CLN3: variants seen among roughly 807,000 people sequenced by gnomAD.
CLN3 encodes battenin.
A neutral mutation model predicts 60.7 loss-of-function variants in CLN3; 49 were observed. The observed-to-expected ratio is 0.81, with a 90% CI of 0.64 to 1.02. CLN3 has a LOEUF of 1.02. Ranked by LOEUF, CLN3 falls within the 50% of genes least tolerant of loss-of-function variation. The pLI, the probability that CLN3 is intolerant of heterozygous loss-of-function variation, is 0.00. For missense variants in CLN3, 516 were observed against 557.4 expected, an observed-to-expected ratio of 0.93 and a Z score of 0.75; for synonymous variants, 256 against 245.8, an observed-to-expected ratio of 1.04 and a Z score of -0.39.
rs1331264494 is a variant in CLN3, at chr16:28,477,330, T to C, written c.*186A>G. The C allele has an allele frequency of 7.1e-6, 5 of 705,696 alleles. No individual in the cohort carries two copies. The highest frequency in any genetic ancestry group is 3.6e-5 in the African/African-American group (2 of 56,140). 43.7% of individuals were successfully genotyped at this position (705,696 alleles called of 1,614,324 possible). A position where few individuals can be genotyped will look rare whatever the true frequency, so the allele number is the denominator to read the frequency against. ...AGAAGGCATGATGCCAGGAAGAAAC[T>C]CCCCAAGTGGGAGACAATGGCTGGC... On this transcript the variant is annotated 3_prime_UTR_variant, in exon 16 of 16. Coordinates refer to ENST00000636147, the MANE Select transcript of CLN3 (RefSeq NM_001042432.2).
chr16:28,467,276 C>CA, the CLN3 span, among the ~76,000 whole-genome samples: 1 of 99,498 alleles, frequency 1.0e-5, no homozygotes, highest in Non-Finnish European at 2.2e-5. Context: ...TTTTTGGAGA[C>CA]AGAGTTCCGC....
chr16:28,482,405 G>C (rs2046113923), intron 12 of CLN3, 23 bp from the exon 13 acceptor site: 1 of 1,614,052 alleles, frequency 6.2e-7, no homozygotes, highest in African/African-American at 1.3e-5. Context: ...CCAGACAGGG[G>C]AGATGGACGG....
chr16:28,468,831 T>A, the CLN3 span, among the ~76,000 whole-genome samples: 11 of 74,092 alleles, frequency 1.5e-4, no homozygotes, highest in African/African-American at 4.3e-4. Context: ...AAAAAAAAAA[T>A]TACCAAGGTG....
At chr16:28,490,363 G>C (rs2046293142) in intron 3 of CLN3, 1 of 151,126 alleles carries the variant, frequency 6.6e-6, no homozygotes, top group African/African-American at 2.4e-5. Context: ...AGAATAGCTT[G>C]AACCTTGGAG....
In CLN3 at chr16:28,487,541, G is replaced by A. The variant is rs146076617; in HGVS notation, c.375C>T (p.Ser125=). The stretch of plus-strand genomic sequence containing the variant: ...AAATCCCACTGACGAGAACCCGGGG[G>A]CTGAGGGGGTGAGAAGGGAAGGGAG... The part of the protein sequence containing the change: ...APLGLHLLPY[S]PRVLVSGICA... Residue 125 remains serine, a splice_region_variant and synonymous_variant, in exon 7 of 16, where the codon AGC becomes AGT. Transcript: ENST00000636147. 5.6e-6 allele frequency: 9 copies of A among 1,613,802 alleles called. No individual in the cohort carries two copies. In the East Asian group the frequency reaches 1.3e-4, roughly 24 times the overall value.
At chr16:28,481,468 A>ACACG in intron 14 of CLN3, among the ~76,000 whole-genome samples, 1 of 149,708 alleles carries the variant, frequency 6.7e-6, no homozygotes, top group Non-Finnish European at 1.5e-5. Context: ...ACACACACAC[A>ACACG]CACACACTAC....
chr16:28,480,757 T>G (rs1425307169), intron 14 of CLN3, among the ~76,000 whole-genome samples: 1 of 152,190 alleles, frequency 6.6e-6, no homozygotes, highest in African/African-American at 2.4e-5. Context: ...GTTGACAGTT[T>G]ATTGTAACAG....
chr16:28,487,079 T>A (rs1439219492), intron 7 of CLN3: 3 of 363,386 alleles, frequency 8.3e-6, no homozygotes, highest in Admixed American at 7.8e-5. Flanking sequence ...CCCAGCTAAT[T>A]TTTGTATTTT....
rs774380601 is a variant in CLN3 at position 28,482,616 on chromosome 16, T to TC, written c.837+9dup. On this transcript the variant is annotated intron_variant, in intron 11 of 15. Coordinates refer to ENST00000636147, the MANE Select transcript of CLN3 (RefSeq NM_001042432.2). ...GCCCCACAGGGACATACCCCAGCCA[T>TC]CATCCGAACCTTGAACACTGTCCAC... 1.2e-6 allele frequency: 2 copies of TC among 1,614,114 alleles called. No individual in the cohort carries two copies. Among genetic ancestry groups the TC allele is most frequent in the Non-Finnish European group, 1.7e-6 (2 of 1,180,020 alleles).
rs766287694 is a variant in CLN3 at position 28,488,619 on chromosome 16, C to T, written c.266G>A (p.Arg89Gln). 7 of 1,614,046 alleles carry T rather than the reference C, an allele frequency of 4.3e-6. No individual in the cohort carries two copies. The Admixed American group carries it at 1.0e-4, about 23-fold the overall frequency. The change falls in exon 5 of 16, where the codon CGA becomes CAA. Residue 89 changes from arginine to glutamine, a missense_variant. By Grantham distance (43) the Arg-to-Gln change is conservative (BLOSUM62 1). Coordinates refer to ENST00000636147, the MANE Select transcript of CLN3 (RefSeq NM_001042432.2). Reference sequence around the variant, plus strand: ...CGTAGAGACAGAGTTGCAGTCAAATCGTGATGAGCTGTTGTGGGGGATCGG... The same window carrying T: ...CGTAGAGACAGAGTTGCAGTCAAATTGTGATGAGCTGTTGTGGGGGATCGG... ...PTPIPHNSSS[R>Q]FDCNSVSTAA...
At chr16:28,471,856 G>A (rs2045952412), downstream of CLN3, among the ~76,000 whole-genome samples, 1 of 151,916 alleles carries the variant, frequency 6.6e-6, no homozygotes, top group Admixed American at 6.6e-5. Flanking sequence ...TGACCTTCAT[G>A]ATTGACCTCT....
At position 28,483,208 on chromosome 16, in the gene CLN3, G is replaced by A. The variant is rs184426957; in HGVS notation, c.791-536C>T. Among the ~76,000 whole-genome samples the A allele has an allele frequency of 2.0e-4, 31 of 152,098 alleles. No homozygotes were observed. In the South Asian group the frequency reaches 4.4e-3, roughly 21 times the overall value. On this transcript the variant is annotated intron_variant, in intron 10 of 15. Coordinates refer to ENST00000636147, the MANE Select transcript of CLN3 (RefSeq NM_001042432.2). ...AGCTAACCAGGTGAGACCTCTTCAC[G>A]TCTCTTTGATTTTTAATTTTTTTTA...
At position 28,477,483 on chromosome 16, in the gene CLN3, T is replaced by A; in HGVS notation, c.*33A>T. 6.2e-7 allele frequency: 1 copy of A among 1,611,732 alleles called. No individual in the cohort carries two copies. Among genetic ancestry groups the A allele is most frequent in the South Asian group, 1.1e-5 (1 of 90,976 alleles). ...TCTGACCTGTCCCTCTGCCCACAGGTGAATGTGACCTGCGTCCTGAGGATC... is the reference window on the plus strand; with the variant it reads ...TCTGACCTGTCCCTCTGCCCACAGGAGAATGTGACCTGCGTCCTGAGGATC... On this transcript the variant is annotated 3_prime_UTR_variant, in exon 16 of 16. Coordinates refer to ENST00000636147, the MANE Select transcript of CLN3 (RefSeq NM_001042432.2).
At chr16:28,478,244 G>A (rs1645646) in intron 14 of CLN3, among the ~76,000 whole-genome samples, 4 of 151,138 alleles carry the variant, frequency 2.6e-5, no homozygotes, top group African/African-American at 9.8e-5. Flanking sequence ...GGCAGAGGCT[G>A]CAGTGAGCCA....
At position 28,487,698 on chromosome 16, in the gene CLN3, A is replaced by C. The variant is rs778765250; in HGVS notation, c.338T>G (p.Leu113Trp). 1 of 1,613,962 alleles carries C rather than the reference A, an allele frequency of 6.2e-7. No homozygotes were observed. Among genetic ancestry groups the C allele is most frequent in the Non-Finnish European group, 8.5e-7 (1 of 1,179,952 alleles). ...ADILPTLVIK[L>W]LAPLGLHLLP... ...CAGGTGAAGGCCAAGAGGAGCCAACAATTTGATGACGAGTGTGGGGAGGAT... is the reference window on the plus strand; with the variant it reads ...CAGGTGAAGGCCAAGAGGAGCCAACCATTTGATGACGAGTGTGGGGAGGAT... Residue 113 changes from leucine (L) to tryptophan (W), a missense_variant, in exon 6 of 16, where the codon TTG (leucine) becomes TGG (tryptophan). Physicochemically the swap from Leu to Trp is moderately conservative, Grantham distance 61 (BLOSUM62 -2). Transcript: ENST00000636147.
At chr16:28,479,936 G>C (rs1252778920) in intron 14 of CLN3, among the ~76,000 whole-genome samples, 1 of 152,086 alleles carries the variant, frequency 6.6e-6, no homozygotes, top group East Asian at 1.9e-4. Flanking sequence ...AAGGAGGCTG[G>C]AGGATATTTA....
rs370158185 is a variant in CLN3, at chr16:28,484,136, G to T, written c.678-18C>A. 5.4e-5 allele frequency: 86 copies of T among 1,580,718 alleles called. No homozygotes were observed. In the African/African-American group the frequency reaches 9.8e-4, roughly 18 times the overall value. ...AGAAATAGCTAGGAGTAGGATGAAGGCAGGGTCAGAAAACCCTACTGGCTG... is the reference window on the plus strand; with the variant it reads ...AGAAATAGCTAGGAGTAGGATGAAGTCAGGGTCAGAAAACCCTACTGGCTG... On this transcript the variant is annotated intron_variant, in intron 9 of 15. Coordinates refer to ENST00000636147, the MANE Select transcript of CLN3 (RefSeq NM_001042432.2).
At position 28,488,576 on chromosome 16, in the gene CLN3, GAGA is replaced by G. The variant is rs777491825; in HGVS notation, c.294+12_294+14del. The G allele has an allele frequency of 1.9e-6, 3 of 1,613,554 alleles. No individual in the cohort carries two copies. The South Asian group carries it at 3.3e-5, about 18-fold the overall frequency. On this transcript the variant is annotated intron_variant, in intron 5 of 15. Transcript: ENST00000636147. ...GCCCTGGGTCAGGCAAGGACCAGGT[GAGA>G]TGAGTACGCACAGCCGTAGAGACAG... is the stretch of plus-strand genomic sequence containing the variant.
rs761316269 is a variant in CLN3 at position 28,481,419 on chromosome 16, C to CACACAT, written c.1056+685_1056+686insATGTGT. Among the ~76,000 whole-genome samples, 673 of 88,810 alleles carry CACACAT rather than the reference C, an allele frequency of 7.6e-3. 5 individuals carry two copies. The highest frequency in any genetic ancestry group is 0.026 in the African/African-American group (623 of 24,092). The allele number at this position is 88,810 out of a possible 152,430, so 58.3% of individuals were successfully genotyped here. A position where few individuals can be genotyped will look rare whatever the true frequency, so the allele number is the denominator to read the frequency against. On this transcript the variant is annotated intron_variant, in intron 14 of 15. Coordinates refer to ENST00000636147, the MANE Select transcript of CLN3 (RefSeq NM_001042432.2). ...CCCGGCCCAATCCCAATGCTTAAAA[C>CACACAT]ACACACACACACACACACACACACA...
Sources: gnomAD v4.1 joint callset for allele counts (sites outside exome capture counted in the v4.1 genomes callset) on GRCh38, gnomAD v4.1.1 for gene constraint, MANE v1.5 for transcripts, NCBI Gene and HGNC (gene_info 2026-07-23, HGNC 2026-07-21) for gene names.